TTF1: variants seen among roughly 807,000 people sequenced by gnomAD.
TTF1 encodes transcription termination factor, RNA polymerase I.
Under a neutral mutation model 80.2 loss-of-function variants are expected in TTF1, and 64 were observed. That is an observed-to-expected ratio of 0.80 (90% CI 0.65 to 0.98). TTF1 has a LOEUF of 0.98. TTF1 is among the 50% of genes least tolerant of loss of function. The probability of loss-of-function intolerance (pLI) is 0.00; values close to 1 mark genes in which losing one functional copy is unlikely to be tolerated. For missense variants in TTF1, 1,023 were observed against 1,086.2 expected (o/e 0.94, Z 0.82); for synonymous variants, 372 against 382.7 (o/e 0.97, Z 0.33).
At chr9:132,378,411 T>C (rs937448768) in intron 10 of TTF1, among the ~76,000 whole-genome samples, 1 of 103,794 alleles carries the variant, frequency 9.6e-6, no homozygotes, top group Non-Finnish European at 1.9e-5. Flanking sequence ...TGTGAGTGCA[T>C]GTGGTGTGAG....
chr9:132,393,380 A>G (rs952267525), intron 5 of TTF1, among the ~76,000 whole-genome samples: 1 of 152,014 alleles, frequency 6.6e-6, no homozygotes. Context: ...GAGGGCAAGG[A>G]ACACCGGGCC....
At chr9:132,391,424 T>C (rs369010692) in intron 6 of TTF1, among the ~76,000 whole-genome samples, 11 of 151,956 alleles carry the variant, frequency 7.2e-5, no homozygotes, top group African/African-American at 2.7e-4. Context: ...GAATGTTACA[T>C]TTTCCCCTCA....
rs1849505207 is a variant in TTF1, at chr9:132,388,248, A to C, written c.2223-20T>G. ...TCTGTCCTACATTAAAAGGAAGAAAAACATAGTTTACTTTCAAGGGTAGAG... is the reference window on the plus strand; with the variant it reads ...TCTGTCCTACATTAAAAGGAAGAAACACATAGTTTACTTTCAAGGGTAGAG... On this transcript the variant is annotated intron_variant, in intron 7 of 10. Transcript: ENST00000334270. 6.5e-7 allele frequency: 1 copy of C among 1,547,592 alleles called. No individual in the cohort carries two copies. The highest frequency in any genetic ancestry group is 1.1e-5 in the South Asian group (1 of 87,968).
At chr9:132,382,034 C>T (rs1043816319) in intron 9 of TTF1, among the ~76,000 whole-genome samples, 2 of 152,222 alleles carry the variant, frequency 1.3e-5, no homozygotes, top group East Asian at 1.9e-4. Context: ...GATCCCCGAG[C>T]CCCATGATGC....
intron 9 of TTF1, among the ~76,000 whole-genome samples, chr9:132,381,545 A>G (rs1849372187): frequency 6.6e-6 from 1 of 152,210 alleles, no homozygotes; most frequent in Admixed American, 6.5e-5. Flanking sequence ...TGTCAATGTA[A>G]GTCGTTCTCA....
At chr9:132,379,296 C>T (rs570415595) in intron 9 of TTF1, 152 bp from the exon 10 acceptor site, 2 of 479,574 alleles carry the variant, frequency 4.2e-6, no homozygotes, top group Non-Finnish European at 7.1e-6. Flanking sequence ...AAATATGACA[C>T]AATTTTTGTG....
chr9:132,390,452 T>C, intron 7 of TTF1, 145 bp downstream of exon 7: 1 of 687,602 alleles, frequency 1.5e-6, no homozygotes, highest in African/African-American at 1.8e-5. Context: ...AATCAGAGAG[T>C]GATATGGAAG....
intron 9 of TTF1, among the ~76,000 whole-genome samples, chr9:132,381,839 C>A (rs1265501007): frequency 1.3e-5 from 2 of 152,168 alleles, no homozygotes; most frequent in Non-Finnish European, 2.9e-5. Context: ...TTAAACCCTC[C>A]CTAATGGTTC....
intron 3 of TTF1, among the ~76,000 whole-genome samples, chr9:132,399,360 A>G (rs998478343): frequency 6.6e-6 from 1 of 151,942 alleles, no homozygotes. Context: ...ATTTTTCTGA[A>G]TCTCTTCAAT....
Position 132,384,480 on chromosome 9 carries a change from G to A in TTF1, c.2378+2076C>T, listed in dbSNP as rs1236706059. On this transcript the variant is annotated intron_variant, in intron 9 of 10. Transcript: ENST00000334270. The surrounding 1 kb of genome is among the most constrained non-coding windows in gnomAD (Gnocchi z 4.1). ...ATCTCTGGTAACTCCTATTCAAGCA[G>A]TAACAAAAGAGAGTAGGTATAAATA... Among the ~76,000 whole-genome samples, 3 of 152,140 alleles carry A rather than the reference G, an allele frequency of 2.0e-5. 1 individual carries two copies. Among genetic ancestry groups the A allele is most frequent in the Non-Finnish European group, 4.4e-5 (3 of 68,018 alleles).
intron 8 of TTF1, 25 bp downstream of exon 8, chr9:132,388,114 A>G (rs1225409269): frequency 1.3e-6 from 2 of 1,554,434 alleles, no homozygotes; most frequent in Non-Finnish European, 1.8e-6. Context: ...AACAGTTAAG[A>G]GGCATCCGTT....
At chr9:132,388,777 G>A (rs953073775) in intron 7 of TTF1, among the ~76,000 whole-genome samples, 1 of 152,220 alleles carries the variant, frequency 6.6e-6, no homozygotes, top group African/African-American at 2.4e-5. Context: ...GCTAGTGGCT[G>A]CAGGCTGACT....
At chr9:132,376,818 A>G (rs773945614) in intron 10 of TTF1, among the ~76,000 whole-genome samples, 21 of 151,986 alleles carry the variant, frequency 1.4e-4, no homozygotes, top group Non-Finnish European at 2.6e-4. Flanking sequence ...GTAGCTGGGA[A>G]CACAGACAAG....
At chr9:132,399,202 AAAAAAAAAAAAAG>A in intron 3 of TTF1, among the ~76,000 whole-genome samples, 1 of 81,506 alleles carries the variant, frequency 1.2e-5, no homozygotes, top group East Asian at 3.0e-4. Context: ...CTGTCTCAAA[AAAAAAAAAAAAAG>A]AAAAAAAAAA....
chr9:132,403,081 G>C (rs12237911), intron 1 of TTF1, among the ~76,000 whole-genome samples: 2 of 152,196 alleles, frequency 1.3e-5, no homozygotes, highest in South Asian at 2.1e-4. Flanking sequence ...GGATGGTCTC[G>C]ATCTCCTGAC....
At position 132,402,014 on chromosome 9, in the gene TTF1, T is replaced by C. The variant is rs150161015; in HGVS notation, c.808A>G (p.Thr270Ala). The C allele has an allele frequency of 5.7e-4, 925 of 1,613,722 alleles. 2 individuals carry two copies. In the African/African-American group the frequency reaches 0.011, roughly 20 times the overall value. Residue 270 changes from threonine to alanine, a missense_variant, in exon 2 of 11, where the codon ACT (threonine) becomes GCT (alanine). Transcript: ENST00000334270. ...TTTTTCTTAGACTTTTTTTTGTGAG[T>C]AGGTCCTAGTAGTTGTGGAGTTTCA... The part of the protein sequence containing the change: ...DDETPQLLGP[T>A]HKKKSKKKKK...
intron 10 of TTF1, among the ~76,000 whole-genome samples, chr9:132,378,289 G>GGT (rs531381218): frequency 9.4e-6 from 1 of 106,944 alleles, no homozygotes; most frequent in Non-Finnish European, 1.9e-5. Context: ...GAATGCATGT[G>GGT]GTGAGTGCAT....
rs145684256 is a variant in TTF1 at position 132,398,860 on chromosome 9, G to A, written c.1592-534C>T. Among the ~76,000 whole-genome samples the A allele has an allele frequency of 2.6e-3, 402 of 152,140 alleles. 2 individuals are homozygous for A. The highest frequency in any genetic ancestry group is 9.4e-3 in the African/African-American group (392 of 41,528). ...TTGCCTTGGCCTCCCAAAGTGCTGG[G>A]ATTACAGGTGTGAGCCACCTCACTT... On this transcript the variant is annotated intron_variant, in intron 3 of 10. Coordinates refer to ENST00000334270, the MANE Select transcript of TTF1 (RefSeq NM_007344.4).
rs1392547478 is a variant in TTF1 at position 132,398,194 on chromosome 9, T to C, written c.1724A>G (p.Glu575Gly). Residue 575 changes from glutamate to glycine, a missense_variant, in exon 4 of 11, where the codon GAA becomes GGA. Physicochemically the swap from Glu to Gly is moderately conservative, Grantham distance 98. Coordinates refer to ENST00000334270, the MANE Select transcript of TTF1 (RefSeq NM_007344.4). ...KLLYTDRYPE[E>G]KSVITNLKRR... ...TTTTAAGTTGGTGATCACAGATTTTTCCTCAGGATATCTGTCCGTGTACAG... is the reference window on the plus strand; with the variant it reads ...TTTTAAGTTGGTGATCACAGATTTTCCCTCAGGATATCTGTCCGTGTACAG... 6.3e-7 allele frequency: 1 copy of C among 1,590,386 alleles called. No homozygotes were observed.
Sources: allele counts gnomAD v4.1 joint callset (sites outside exome capture counted in the v4.1 genomes callset), GRCh38; gene constraint gnomAD v4.1.1; non-coding constraint Gnocchi (gnomAD v3.1); transcripts MANE v1.5; gene names NCBI Gene and HGNC (gene_info 2026-07-23, HGNC 2026-07-21).